The following PYGL variants were observed in gnomAD, a reference collection of about 807,000 sequenced individuals.
PYGL encodes the protein glycogen phosphorylase, liver form.
In PYGL, 90 loss-of-function variants were observed where a neutral mutation model predicts 100.1. The observed-to-expected ratio is 0.90, with a 90% confidence interval of 0.76 to 1.07. PYGL has a LOEUF of 1.07. Among genes scored for constraint, PYGL ranks in the 50% least tolerant of loss-of-function variants. PYGL has a pLI of 0.00. For missense variants in PYGL, 1,016 were observed against 1,057.6 expected (o/e 0.96, Z 0.55); for synonymous variants, 373 against 393.0 (o/e 0.95, Z 0.60).
intron 2 of PYGL, among the ~76,000 whole-genome samples, chr14:50,937,410 T>C (rs562883849): frequency 1.4e-5 from 2 of 142,714 alleles, no homozygotes; most frequent in African/African-American, 4.9e-5. Flanking sequence ...AGATTGTGAT[T>C]CTGATAGCAG....
chr14:50,920,962 T>G lies in PYGL; in HGVS notation c.766A>C (p.Arg256=). The G allele has an allele frequency of 6.2e-7, 1 of 1,612,254 alleles. No homozygotes were observed. Among genetic ancestry groups the G allele is most frequent in the Non-Finnish European group, 8.5e-7 (1 of 1,178,256 alleles). The change falls in exon 6 of 20, where the codon AGA becomes CGA. Residue 256 remains arginine (R), a synonymous_variant. Coordinates refer to ENST00000216392, the MANE Select transcript of PYGL (RefSeq NM_002863.5). ...SARAPNDFNL[R]DFNVGDYIQA... Reference sequence around the variant, plus strand: ...AGGCCTGTGCTGTACTCACAGTCTCTGAGGTTAAAGTCATTTGGTGCCCGA... The same window carrying G: ...AGGCCTGTGCTGTACTCACAGTCTCGGAGGTTAAAGTCATTTGGTGCCCGA...
chr14:50,935,021 C>A (rs975883402), intron 3 of PYGL, 86 bp downstream of exon 3: 7 of 1,293,982 alleles, frequency 5.4e-6, no homozygotes, highest in Non-Finnish European at 7.9e-6. Flanking sequence ...AGGAAGCCTG[C>A]CTGGTTCTTG....
intron 5 of PYGL, among the ~76,000 whole-genome samples, chr14:50,922,864 G>A (rs943743773): frequency 6.6e-6 from 1 of 152,108 alleles, no homozygotes; most frequent in African/African-American, 2.4e-5. Flanking sequence ...GTCTTTCATA[G>A]GCATCCCCCA....
rs201169243 is a variant in PYGL at position 50,908,776 on chromosome 14, C to T, written c.2312+45G>A. The T allele has an allele frequency of 1.3e-3, 2,038 of 1,529,522 alleles. 7 individuals are homozygous for T. The highest frequency in any genetic ancestry group is 1.6e-3 in the Non-Finnish European group (1,816 of 1,104,218). The allele number at this position is 1,529,522 out of a possible 1,614,324, so 94.7% of individuals were successfully genotyped here. A position where few individuals can be genotyped will look rare whatever the true frequency, so the allele number is the denominator to read the frequency against. ...TTGGTTGGTTTAAGATTTTCTTGTCCCCCTTTCATGATCCAAATAGCACCA... is the reference window on the plus strand; with the variant it reads ...TTGGTTGGTTTAAGATTTTCTTGTCTCCCTTTCATGATCCAAATAGCACCA... On this transcript the variant is annotated intron_variant, in intron 18 of 19. Coordinates refer to ENST00000216392, the MANE Select transcript of PYGL (RefSeq NM_002863.5).
chr14:50,912,860 G>A (rs375529125), intron 13 of PYGL, 169 bp downstream of exon 13: 57 of 608,636 alleles, frequency 9.4e-5, no homozygotes, highest in African/African-American at 8.0e-4. Context: ...AGGCTGAGGC[G>A]GGATAATCGC....
At chr14:50,914,571 T>G in intron 12 of PYGL, 130 bp downstream of exon 12, 1 of 707,784 alleles carries the variant, frequency 1.4e-6, no homozygotes, top group South Asian at 1.5e-5. Context: ...CATGGAGTCC[T>G]GTGTGACTGC....
chr14:50,939,643 A>G (rs989129085), intron 1 of PYGL, among the ~76,000 whole-genome samples: 5 of 152,210 alleles, frequency 3.3e-5, no homozygotes, highest in African/African-American at 1.2e-4. Context: ...TTATTCTCCA[A>G]TCATCTATCC....
intron 7 of PYGL, among the ~76,000 whole-genome samples, chr14:50,918,379 A>G (rs2050472480): frequency 6.6e-6 from 1 of 152,238 alleles, no homozygotes; most frequent in Admixed American, 6.5e-5. Flanking sequence ...AGACACATGT[A>G]CACACACACG....
At position 50,908,287 on chromosome 14, in the gene PYGL, A is replaced by G; in HGVS notation, c.2363T>C (p.Val788Ala). The stretch of plus-strand genomic sequence containing the variant: ...TTTACTCACCATGTACAGCTGACTC[A>G]CTTTATCTTGACACTTGACATAGGC... ...YEAYVKCQDK[V>A]SQLYMNPKAW... The change falls in exon 19 of 20, where the codon GTG (valine) becomes GCG (alanine). Residue 788 changes from valine to alanine, a missense_variant. Coordinates refer to ENST00000216392, the MANE Select transcript of PYGL (RefSeq NM_002863.5). 1 of 1,599,316 alleles carries G rather than the reference A, an allele frequency of 6.3e-7. No individual in the cohort carries two copies. Among genetic ancestry groups the G allele is most frequent in the Non-Finnish European group, 8.6e-7 (1 of 1,166,530 alleles).
At chr14:50,912,409 A>C in intron 13 of PYGL, 106 bp from the exon 14 acceptor site, 1 of 1,402,038 alleles carries the variant, frequency 7.1e-7, no homozygotes. Context: ...CCCAGGCTGG[A>C]GTGCAGTGGC....
intron 7 of PYGL, among the ~76,000 whole-genome samples, chr14:50,918,170 GTC>G (rs2050470766): frequency 6.6e-6 from 1 of 152,010 alleles, no homozygotes; most frequent in Non-Finnish European, 1.5e-5. Flanking sequence ...TAATTAAAAA[GTC>G]AAAAAACAAT....
rs1354304921 is a variant in PYGL, at chr14:50,918,950, G to A, written c.855+1591C>T. ...CTTAAAAGTATAATCACTGACCTAT[G>A]CCAGGGCTATGGCCAAGTTGAGGAG... On this transcript the variant is annotated intron_variant, in intron 7 of 19. Coordinates refer to ENST00000216392, the MANE Select transcript of PYGL (RefSeq NM_002863.5). Among the ~76,000 whole-genome samples, 10 of 152,278 alleles carry A rather than the reference G, an allele frequency of 6.6e-5. No individual in the cohort carries two copies. The South Asian group carries it at 2.1e-3, about 32-fold the overall frequency.
At chr14:50,907,535 C>T (rs1012866877) in intron 19 of PYGL, among the ~76,000 whole-genome samples, 4 of 151,880 alleles carry the variant, frequency 2.6e-5, no homozygotes, top group African/African-American at 9.7e-5. Context: ...TTAAGAATCT[C>T]GATGTTCAAA....
chr14:50,917,063 C>A lies in PYGL; in HGVS notation c.898G>T (p.Val300Leu). 6.2e-7 allele frequency: 1 copy of A among 1,613,918 alleles called. No homozygotes were observed. Among genetic ancestry groups the A allele is most frequent in the Non-Finnish European group, 8.5e-7 (1 of 1,179,762 alleles). The stretch of plus-strand genomic sequence containing the variant: ...ATATCTTGCAAGGTTGCAGCCACCA[C>A]AAAGTATTCCTGCTTCAATCTTAGC... The part of the protein sequence containing the change: ...KELRLKQEYF[V>L]VAATLQDIIR... Residue 300 changes from valine (V) to leucine (L), a missense_variant, in exon 8 of 20, where the codon GTG (valine) becomes TTG (leucine). By Grantham distance (32) the Val-to-Leu change is conservative (BLOSUM62 1). Transcript: ENST00000216392.
chr14:50,924,099 AC>A lies in PYGL; in HGVS notation c.529del (p.Val177Ter). ...TCTGAGCCAATCATCTGCTTCTTCTACCTGCAAAAGGATACAGTATTGCTTA... is the reference window on the plus strand; with the variant it reads ...TCTGAGCCAATCATCTGCTTCTTCTACTGCAAAAGGATACAGTATTGCTTA... ...FNQKIRDGWQ[V>X]EEADDWLRYG... On this transcript the variant is annotated frameshift_variant and splice_region_variant, in exon 5 of 20. Coordinates refer to ENST00000216392, the MANE Select transcript of PYGL (RefSeq NM_002863.5). LOFTEE classifies it high-confidence loss of function. 1 of 1,613,588 alleles carries A rather than the reference AC, an allele frequency of 6.2e-7. No homozygotes were observed. The highest frequency in any genetic ancestry group is 8.5e-7 in the Non-Finnish European group (1 of 1,179,604).
chr14:50,915,045 C>A (rs1004700185), intron 11 of PYGL: 3 of 620,750 alleles, frequency 4.8e-6, no homozygotes, highest in Non-Finnish European at 8.5e-6. Flanking sequence ...CATCTGACTT[C>A]TTCACACTGA....
In PYGL at chr14:50,944,462, C is replaced by T; in HGVS notation, c.-59G>A. On this transcript the variant is annotated 5_prime_UTR_variant, in exon 1 of 20. Transcript: ENST00000216392. ...AGAGAGCTGGAAGTGCGGCCGGAGG[C>T]GCTGGGCTGCCGGGCAGGGGTGGAG... The T allele has an allele frequency of 6.5e-7, 1 of 1,532,028 alleles. No homozygotes were observed. The highest frequency in any genetic ancestry group is 1.2e-5 in the South Asian group (1 of 84,156). 94.9% of individuals were successfully genotyped at this position (1,532,028 alleles called of 1,614,324 possible). A position where few individuals can be genotyped will look rare whatever the true frequency, so the allele number is the denominator to read the frequency against.
chr14:50,922,145 A>C (rs947065116), intron 5 of PYGL, among the ~76,000 whole-genome samples: 16 of 152,232 alleles, frequency 1.1e-4, no homozygotes, highest in African/African-American at 3.9e-4. Context: ...CGAAGGAAGG[A>C]GAATGACAGA....
chr14:50,916,079 G>A, intron 9 of PYGL, 108 bp from the exon 10 acceptor site: 1 of 1,463,036 alleles, frequency 6.8e-7, no homozygotes, highest in South Asian at 1.2e-5. Flanking sequence ...CATTCCAAGT[G>A]TGCATAGTCA....
Sources: allele counts gnomAD v4.1 joint callset (sites outside exome capture counted in the v4.1 genomes callset), GRCh38; gene constraint gnomAD v4.1.1; transcripts MANE v1.5; gene names NCBI Gene and HGNC (gene_info 2026-07-23, HGNC 2026-07-21).